Variants in FYN observed in about 807,000 individuals in gnomAD.
The protein encoded by FYN is tyrosine-protein kinase Fyn.
FYN carries 10 observed loss-of-function variants against 70.2 expected under a neutral mutation model. That is an observed-to-expected ratio of 0.14 (90% CI 0.09 to 0.24). The LOEUF is 0.24. FYN is among the 10% of genes least tolerant of loss of function. The pLI, the probability that FYN is intolerant of heterozygous loss-of-function variation, is 1.00. For synonymous variants in FYN, 236 were observed against 248.6 expected, an observed-to-expected ratio of 0.95 and a Z score of 0.48; for missense variants, 319 against 673.1, an observed-to-expected ratio of 0.47 and a Z score of 5.82.
intron 1 of FYN, among the ~76,000 whole-genome samples, chr6:111,868,049 C>T (rs1365608954): frequency 2.0e-5 from 3 of 152,050 alleles, no homozygotes; most frequent in Non-Finnish European, 4.4e-5. Context: ...CCACAACACT[C>T]ACCTAGCCAT....
At chr6:111,733,869 C>T (rs1317512095) in intron 3 of FYN, among the ~76,000 whole-genome samples, 1 of 152,206 alleles carries the variant, frequency 6.6e-6, no homozygotes, top group Non-Finnish European at 1.5e-5. Context: ...GGGCGGAATA[C>T]TTGAAGCCAG....
At chr6:111,700,874 C>T (rs1799802181) in intron 8 of FYN, among the ~76,000 whole-genome samples, 1 of 151,714 alleles carries the variant, frequency 6.6e-6, no homozygotes, top group South Asian at 2.1e-4. Flanking sequence ...AAGATTATAA[C>T]TGGTGGGGAA....
chr6:111,827,132 G>A lies in FYN; in HGVS notation c.-82+19457C>T, dbSNP rs1772861017. 2.0e-5 allele frequency among the ~76,000 whole-genome samples: 3 copies of A among 152,202 alleles called. 1 individual carries two copies. The South Asian group carries it at 6.2e-4, about 32-fold the overall frequency. Reference sequence around the variant, plus strand: ...CACCTCATTTAGAGCAAGAGAGTCAGAGAGAAGAAGCTGTAACATTTATTT... The same window carrying A: ...CACCTCATTTAGAGCAAGAGAGTCAAAGAGAAGAAGCTGTAACATTTATTT... On this transcript the variant is annotated intron_variant, in intron 2 of 13. Transcript: ENST00000354650.
At chr6:111,771,154 C>T (rs1416422494) in intron 3 of FYN, among the ~76,000 whole-genome samples, 2 of 152,094 alleles carry the variant, frequency 1.3e-5, no homozygotes, top group African/African-American at 4.8e-5. Context: ...TGCCTGGACC[C>T]ATCTGGAGAG....
intron 3 of FYN, among the ~76,000 whole-genome samples, chr6:111,752,705 T>C (rs1289476921): frequency 1.3e-5 from 2 of 152,114 alleles, no homozygotes; most frequent in African/African-American, 4.8e-5. Flanking sequence ...TGGACTGAAT[T>C]TGGAGCTCAG....
chr6:111,728,720 T>C (rs1429838301), intron 3 of FYN, among the ~76,000 whole-genome samples: 4 of 152,240 alleles, frequency 2.6e-5, no homozygotes, highest in African/African-American at 4.8e-5. Flanking sequence ...TGTATGGATA[T>C]ACCAGATGTT....
intron 2 of FYN, among the ~76,000 whole-genome samples, chr6:111,828,335 AT>A (rs1772904084): frequency 6.6e-6 from 1 of 152,240 alleles, no homozygotes; most frequent in Non-Finnish European, 1.5e-5. Flanking sequence ...GTATAAAAAT[AT>A]GTTAAACAAC....
chr6:111,822,899 G>A (rs113450579), intron 2 of FYN, among the ~76,000 whole-genome samples: 1 of 152,048 alleles, frequency 6.6e-6, no homozygotes, highest in Non-Finnish European at 1.5e-5. Context: ...GAAAGGGCTT[G>A]TCACACAAGA....
At chr6:111,804,699 A>C (rs1421664021) in intron 2 of FYN, among the ~76,000 whole-genome samples, 2 of 152,212 alleles carry the variant, frequency 1.3e-5, no homozygotes, top group Non-Finnish European at 2.9e-5. Flanking sequence ...CCAACAGAAA[A>C]GAAAACGAGG....
At chr6:111,667,172 T>A (rs1798047782) in intron 13 of FYN, among the ~76,000 whole-genome samples, 1 of 152,322 alleles carries the variant, frequency 6.6e-6, no homozygotes, top group South Asian at 2.1e-4. Flanking sequence ...TCTTTTAAAC[T>A]TCCCTATTCC....
chr6:111,671,325 T>C (rs1798257484), intron 13 of FYN, among the ~76,000 whole-genome samples: 1 of 152,170 alleles, frequency 6.6e-6, no homozygotes, highest in Non-Finnish European at 1.5e-5. Context: ...CATACTCCAC[T>C]CTAAGTTCCT....
chr6:111,849,512 C>T (rs368443764), intron 1 of FYN, among the ~76,000 whole-genome samples: 43 of 152,260 alleles, frequency 2.8e-4, no homozygotes, highest in African/African-American at 8.7e-4. Flanking sequence ...ATGGGCTGCA[C>T]GCTTAGAGGC....
intron 3 of FYN, chr6:111,754,610 A>G (rs1444292805): frequency 6.6e-6 from 1 of 152,204 alleles, no homozygotes; most frequent in Non-Finnish European, 1.5e-5. Context: ...AAAGGATCAC[A>G]CAGATCCTGG....
intron 3 of FYN, among the ~76,000 whole-genome samples, chr6:111,767,882 T>C (rs1803296165): frequency 6.6e-6 from 1 of 152,122 alleles, no homozygotes; most frequent in Non-Finnish European, 1.5e-5. Flanking sequence ...ACATCAGGGG[T>C]TGTTAAAATC....
chr6:111,822,594 C>T (rs1046543662), intron 2 of FYN, among the ~76,000 whole-genome samples: 1 of 150,796 alleles, frequency 6.6e-6, no homozygotes. Context: ...CAAACCTGCA[C>T]GTTGTGCACA....
intron 2 of FYN, chr6:111,780,950 T>C (rs1771149147): frequency 6.6e-6 from 1 of 152,212 alleles, no homozygotes; most frequent in African/African-American, 2.4e-5. Flanking sequence ...ATATCTGCAG[T>C]TGAACTCACA....
intron 3 of FYN, among the ~76,000 whole-genome samples, chr6:111,771,807 G>T (rs1803463675): frequency 6.6e-6 from 1 of 152,188 alleles, no homozygotes; most frequent in African/African-American, 2.4e-5. Context: ...AGGTCCAGCA[G>T]TACCTGCCCT....
chr6:111,747,954 C>G (rs2128484485), intron 3 of FYN, among the ~76,000 whole-genome samples: 1 of 152,340 alleles, frequency 6.6e-6, no homozygotes, highest in Middle Eastern at 3.4e-3. Context: ...TATACTCATT[C>G]ATTACTATTC....
intron 2 of FYN, among the ~76,000 whole-genome samples, chr6:111,793,059 G>T (rs1170549042): frequency 2.6e-5 from 4 of 151,902 alleles, no homozygotes; most frequent in Non-Finnish European, 5.9e-5. Context: ...ATCATCTCAG[G>T]GCGAACACGA....
Sources: allele counts gnomAD v4.1 joint callset (sites outside exome capture counted in the v4.1 genomes callset), GRCh38; gene constraint gnomAD v4.1.1; transcripts MANE v1.5; gene names NCBI Gene and HGNC (gene_info 2026-07-23, HGNC 2026-07-21).